GRM8: variants seen among roughly 807,000 people sequenced by gnomAD.
The protein encoded by GRM8 is glutamate metabotropic receptor 8, also known as metabotropic glutamate receptor 8.
A neutral mutation model predicts 87.2 loss-of-function variants in GRM8; 47 were observed. That is an observed-to-expected ratio of 0.54 (90% CI 0.43 to 0.69). The LOEUF (loss-of-function observed/expected upper bound fraction) is 0.69, where lower values mean the gene tolerates loss of function less well. Among genes scored for constraint, GRM8 ranks in the 30% least tolerant of loss-of-function variants. GRM8 has a pLI of 0.00. For missense variants in GRM8, 1,019 were observed against 1,139.2 expected, an observed-to-expected ratio of 0.89 and a Z score of 1.52; for synonymous variants, 396 against 404.5, an observed-to-expected ratio of 0.98 and a Z score of 0.25.
intron 2 of GRM8, among the ~76,000 whole-genome samples, chr7:127,121,309 G>A (rs977480210): frequency 2.0e-5 from 3 of 152,144 alleles, no homozygotes; most frequent in Non-Finnish European, 2.9e-5. Context: ...ATCTCCCAAG[G>A]TTTGAGGAGG....
chr7:126,553,581 T>C (rs1198502167), intron 8 of GRM8, among the ~76,000 whole-genome samples: 1 of 152,168 alleles, frequency 6.6e-6, no homozygotes, highest in African/African-American at 2.4e-5. Context: ...TTATAACCTG[T>C]CTCCGTCTCC....
At chr7:126,490,314 T>A (rs1350579238) in intron 9 of GRM8, among the ~76,000 whole-genome samples, 1 of 152,054 alleles carries the variant, frequency 6.6e-6, no homozygotes, top group Non-Finnish European at 1.5e-5. Flanking sequence ...GCACATTCCC[T>A]GCATGCTGAC....
intron 9 of GRM8, among the ~76,000 whole-genome samples, chr7:126,464,619 T>A (rs1306351327): frequency 2.0e-5 from 3 of 151,694 alleles, no homozygotes; most frequent in Non-Finnish European, 4.4e-5. Context: ...TTGCTAATTT[T>A]TCATTGTTTA....
chr7:126,965,631 T>A (rs1809772435), intron 3 of GRM8, among the ~76,000 whole-genome samples: 1 of 152,128 alleles, frequency 6.6e-6, no homozygotes, highest in South Asian at 2.1e-4. Context: ...TATGAAACTA[T>A]TATTGACTGG....
chr7:126,789,622 G>T (rs1281553517), intron 6 of GRM8, among the ~76,000 whole-genome samples: 2 of 152,108 alleles, frequency 1.3e-5, no homozygotes, highest in African/African-American at 2.4e-5. Flanking sequence ...AGCAACAGGA[G>T]AAAGTAGCTT....
chr7:126,644,857 A>T (rs1802869763), intron 7 of GRM8, among the ~76,000 whole-genome samples: 1 of 152,200 alleles, frequency 6.6e-6, no homozygotes, highest in South Asian at 2.1e-4. Flanking sequence ...CTCTGTGAGG[A>T]TACTAATGTC....
At chr7:126,471,671 C>A (rs1467195143) in intron 9 of GRM8, among the ~76,000 whole-genome samples, 1 of 151,670 alleles carries the variant, frequency 6.6e-6, no homozygotes, top group Non-Finnish European at 1.5e-5. Context: ...CTTGGCGATG[C>A]GGGCTCTTTT....
chr7:126,544,696 G>C (rs1349894373), intron 8 of GRM8, among the ~76,000 whole-genome samples: 1 of 152,050 alleles, frequency 6.6e-6, no homozygotes, highest in Non-Finnish European at 1.5e-5. Context: ...TTTTAGTAGA[G>C]ACGGGGTTTC....
intron 9 of GRM8, among the ~76,000 whole-genome samples, chr7:126,477,425 T>C (rs1346494633): frequency 6.6e-6 from 1 of 152,086 alleles, no homozygotes; most frequent in Non-Finnish European, 1.5e-5. Flanking sequence ...GTGATGAATA[T>C]GTTAATTATC....
chr7:126,551,654 G>A (rs1792600255), intron 8 of GRM8, among the ~76,000 whole-genome samples: 1 of 151,578 alleles, frequency 6.6e-6, no homozygotes, highest in African/African-American at 2.4e-5. Flanking sequence ...TTTCAGCTCA[G>A]TTTTATGCCC....
chr7:126,588,767 G>A (rs779777565), intron 8 of GRM8, among the ~76,000 whole-genome samples: 1 of 152,184 alleles, frequency 6.6e-6, no homozygotes, highest in Admixed American at 6.5e-5. Flanking sequence ...GAAGCAGATT[G>A]CTCCTGCAGG....
At position 127,243,246 on chromosome 7, in the gene GRM8, T is replaced by A. The variant is rs756518574; in HGVS notation, c.-42A>T. On this transcript the variant is annotated 5_prime_UTR_variant, in exon 2 of 11. Transcript: ENST00000339582. ...ATTGCAATCCAAGACCCAAAGTTTA[T>A]TCTTGCCACAGAAGAAAGGGCACCA... 6.4e-7 allele frequency: 1 copy of A among 1,558,854 alleles called. No individual in the cohort carries two copies. The highest frequency in any genetic ancestry group is 8.6e-7 in the Non-Finnish European group (1 of 1,156,548).
chr7:126,806,695 G>A (rs908358096), intron 6 of GRM8, among the ~76,000 whole-genome samples: 1 of 152,252 alleles, frequency 6.6e-6, no homozygotes, highest in Admixed American at 6.5e-5. Context: ...CCTGTCACTG[G>A]CATGCGTCGC....
intron 9 of GRM8, among the ~76,000 whole-genome samples, chr7:126,501,283 T>C (rs554861429): frequency 2.6e-5 from 4 of 152,160 alleles, no homozygotes; most frequent in East Asian, 1.9e-4. Flanking sequence ...TGGAGGCACA[T>C]TGAACATTGG....
intron 3 of GRM8, among the ~76,000 whole-genome samples, chr7:127,010,643 C>T (rs1340169005): frequency 6.6e-6 from 1 of 152,118 alleles, no homozygotes; most frequent in African/African-American, 2.4e-5. Context: ...TACCCAACAA[C>T]ATTGTGATAG....
intron 2 of GRM8, among the ~76,000 whole-genome samples, chr7:127,142,285 A>G (rs898914034): frequency 4.6e-5 from 7 of 152,074 alleles, no homozygotes; most frequent in Admixed American, 3.9e-4. Flanking sequence ...GCTTATACTA[A>G]TTGACTTATT....
At chr7:126,620,722 G>T (rs1800068840) in intron 7 of GRM8, among the ~76,000 whole-genome samples, 1 of 151,872 alleles carries the variant, frequency 6.6e-6, no homozygotes, top group African/African-American at 2.4e-5. Context: ...TATATGACTG[G>T]TACACAATAG....
At chr7:126,737,187 T>C (rs956651494) in intron 7 of GRM8, among the ~76,000 whole-genome samples, 10 of 151,998 alleles carry the variant, frequency 6.6e-5, no homozygotes, top group Non-Finnish European at 1.2e-4. Context: ...AACATCACTA[T>C]TGTAAAGCCT....
intron 3 of GRM8, among the ~76,000 whole-genome samples, chr7:127,014,231 G>A (rs892246780): frequency 2.0e-5 from 3 of 152,174 alleles, no homozygotes; most frequent in East Asian, 1.9e-4. Flanking sequence ...TGTGTTCACC[G>A]ATCCAAATTA....
Sources: gnomAD v4.1 joint callset for allele counts (sites outside exome capture counted in the v4.1 genomes callset) on GRCh38, gnomAD v4.1.1 for gene constraint, MANE v1.5 for transcripts, NCBI Gene and HGNC (gene_info 2026-07-23, HGNC 2026-07-21) for gene names.